Variants in PLCB1 observed in about 807,000 individuals in gnomAD.
PLCB1 encodes 1-phosphatidylinositol 4,5-bisphosphate phosphodiesterase beta-1.
Under a neutral mutation model 161.8 loss-of-function variants are expected in PLCB1, and 46 were observed. That is an observed-to-expected ratio of 0.28 (90% CI 0.22 to 0.36). The LOEUF (loss-of-function observed/expected upper bound fraction) is 0.36. Among genes scored for constraint, PLCB1 ranks in the 10% least tolerant of loss-of-function variants. The pLI is 1.00. For missense variants in PLCB1, 1,016 were observed against 1,472.5 expected, an observed-to-expected ratio of 0.69 and a Z score of 5.07; for synonymous variants, 517 against 503.7, an observed-to-expected ratio of 1.03 and a Z score of -0.35.
chr20:8,650,297 A>G (rs7264711), intron 7 of PLCB1, among the ~76,000 whole-genome samples: 1 of 151,970 alleles, frequency 6.6e-6, no homozygotes. Flanking sequence ...GCAGCTTTCC[A>G]TAAGATATGT....
chr20:8,430,821 G>C lies in PLCB1; in HGVS notation c.246+59371G>C, dbSNP rs529583393. On this transcript the variant is annotated intron_variant, in intron 3 of 31. Coordinates refer to ENST00000338037, the MANE Select transcript of PLCB1 (RefSeq NM_015192.4). ...AAAATTAAAAAATTAGCCTGGCATG[G>C]TGGCTATGTGTCTTTAGTCCTAGCT... 1.1e-3 allele frequency among the ~76,000 whole-genome samples: 167 copies of C among 152,200 alleles called. 1 individual carries two copies. The highest frequency in any genetic ancestry group is 1.9e-3 in the Non-Finnish European group (127 of 68,010).
chr20:8,600,642 C>T (rs1254806006), intron 3 of PLCB1: 1 of 151,348 alleles, frequency 6.6e-6, no homozygotes, highest in Non-Finnish European at 1.5e-5. Flanking sequence ...TTCGCGCTTC[C>T]CGGCTGCTTT....
intron 31 of PLCB1, among the ~76,000 whole-genome samples, chr20:8,828,167 T>C (rs538143407): frequency 6.8e-4 from 103 of 152,310 alleles, no homozygotes; most frequent in Admixed American, 3.1e-3. Context: ...TGATGGTGGA[T>C]GGGTTGAAAG....
chr20:8,226,315 G>T (rs1468924876), intron 2 of PLCB1, among the ~76,000 whole-genome samples: 1 of 152,134 alleles, frequency 6.6e-6, no homozygotes, highest in Non-Finnish European at 1.5e-5. Context: ...GCTGTAGTGT[G>T]TTGGACCCTG....
chr20:8,509,782 ATAGC>A (rs1983800650), intron 3 of PLCB1, among the ~76,000 whole-genome samples: 1 of 143,588 alleles, frequency 7.0e-6, no homozygotes, highest in Admixed American at 7.0e-5. Context: ...AGATAGATAG[ATAGC>A]ATGAAGATGG....
chr20:8,580,419 A>G (rs968715784), intron 3 of PLCB1, among the ~76,000 whole-genome samples: 2 of 152,220 alleles, frequency 1.3e-5, no homozygotes, highest in African/African-American at 4.8e-5. Flanking sequence ...CCTCAGTCTT[A>G]TATAAAGTTT....
chr20:8,498,029 A>C (rs553623441), intron 3 of PLCB1, among the ~76,000 whole-genome samples: 8 of 152,338 alleles, frequency 5.3e-5, no homozygotes, highest in African/African-American at 1.9e-4. Flanking sequence ...TTAATAAGAC[A>C]ATAAAACCAA....
intron 3 of PLCB1, among the ~76,000 whole-genome samples, chr20:8,445,489 C>T (rs1980780630): frequency 6.6e-6 from 1 of 151,778 alleles, no homozygotes; most frequent in Non-Finnish European, 1.5e-5. Flanking sequence ...ATGATGCCTC[C>T]AGCTTTGTTC....
At chr20:8,327,349 G>T (rs1034703272) in intron 2 of PLCB1, among the ~76,000 whole-genome samples, 15 of 152,176 alleles carry the variant, frequency 9.9e-5, no homozygotes, top group Non-Finnish European at 2.1e-4. Context: ...TTCCAGTTGT[G>T]GGGAGGGAGA....
chr20:8,226,898 A>G lies in PLCB1; in HGVS notation c.177+76527A>G, dbSNP rs578067920. 1.6e-3 allele frequency among the ~76,000 whole-genome samples: 241 copies of G among 152,236 alleles called. 4 individuals carry two copies. Among genetic ancestry groups the G allele is most frequent in the African/African-American group, 5.5e-3 (228 of 41,528 alleles). On this transcript the variant is annotated intron_variant, in intron 2 of 31. Transcript: ENST00000338037. ...GAGACAGAGGTTCACCATCTTGGCC[A>G]GGCTGGTCTTGAACTCCTGACCTCA...
At chr20:8,487,811 G>C (rs1462066121) in intron 3 of PLCB1, among the ~76,000 whole-genome samples, 1 of 152,178 alleles carries the variant, frequency 6.6e-6, no homozygotes, top group Non-Finnish European at 1.5e-5. Context: ...TTTAATAGTA[G>C]ATGTGTTGAG....
chr20:8,524,320 T>A (rs1797667854), intron 3 of PLCB1, among the ~76,000 whole-genome samples: 2 of 152,148 alleles, frequency 1.3e-5, no homozygotes, highest in South Asian at 4.1e-4. Flanking sequence ...TTGTTTTGTT[T>A]TTTCCTTTGA....
intron 9 of PLCB1, among the ~76,000 whole-genome samples, chr20:8,663,980 G>A (rs1324525885): frequency 6.6e-6 from 1 of 152,028 alleles, no homozygotes; most frequent in Non-Finnish European, 1.5e-5. Context: ...AGCTCTATAG[G>A]TACCTTTGGT....
intron 3 of PLCB1, among the ~76,000 whole-genome samples, chr20:8,409,173 G>A (rs1361856113): frequency 6.6e-6 from 1 of 152,140 alleles, no homozygotes; most frequent in African/African-American, 2.4e-5. Context: ...GGGAGAGAAA[G>A]TGTGTATTAT....
At chr20:8,594,809 C>T (rs367615897) in intron 3 of PLCB1, among the ~76,000 whole-genome samples, 42 of 152,228 alleles carry the variant, frequency 2.8e-4, no homozygotes, top group Admixed American at 7.8e-4. Flanking sequence ...ACCAAGTGTA[C>T]CTTGTCTCCA....
chr20:8,164,709 C>T (rs1007812801), intron 2 of PLCB1, among the ~76,000 whole-genome samples: 21 of 152,182 alleles, frequency 1.4e-4, no homozygotes, highest in Admixed American at 1.2e-3. Context: ...CTTTTGTTAT[C>T]TTGTTCCCAT....
At chr20:8,673,693 A>G (rs553297279) in intron 9 of PLCB1, among the ~76,000 whole-genome samples, 44 of 152,330 alleles carry the variant, frequency 2.9e-4, no homozygotes, top group Non-Finnish European at 6.0e-4. Context: ...TCTATGATAC[A>G]ATATCGTTTG....
intron 2 of PLCB1, among the ~76,000 whole-genome samples, chr20:8,275,615 T>A (rs1284767059): frequency 6.6e-6 from 1 of 152,204 alleles, no homozygotes; most frequent in Non-Finnish European, 1.5e-5. Flanking sequence ...CTAGCTTTGT[T>A]TCTTGTATGT....
chr20:8,517,515 G>A (rs1984180129), intron 3 of PLCB1, among the ~76,000 whole-genome samples: 1 of 152,154 alleles, frequency 6.6e-6, no homozygotes, highest in South Asian at 2.1e-4. Flanking sequence ...AGTGGGCTGG[G>A]CGGGAAAACA....
Sources: allele counts gnomAD v4.1 joint callset (sites outside exome capture counted in the v4.1 genomes callset), GRCh38; gene constraint gnomAD v4.1.1; transcripts MANE v1.5; gene names NCBI Gene and HGNC (gene_info 2026-07-23, HGNC 2026-07-21).